The following IPCEF1 variants were observed in gnomAD, a reference collection of about 807,000 sequenced individuals.
IPCEF1 encodes the protein interactor protein for cytohesin exchange factors 1.
IPCEF1 carries 31 observed loss-of-function variants against 50.9 expected under a neutral mutation model. The ratio of observed to expected loss-of-function variants is 0.61; its 90% CI spans 0.46 to 0.82. The LOEUF (loss-of-function observed/expected upper bound fraction) is 0.82, where lower values mean the gene tolerates loss of function less well. Among genes scored for constraint, IPCEF1 ranks in the 40% least tolerant of loss-of-function variants. IPCEF1 has a pLI of 0.00. For synonymous variants in IPCEF1, 181 were observed against 192.0 expected (o/e 0.94, Z 0.47); for missense variants, 458 against 514.0 (o/e 0.89, Z 1.05).
chr6:154,224,459 G>A (rs888364017), intron 5 of IPCEF1, among the ~76,000 whole-genome samples: 3 of 152,132 alleles, frequency 2.0e-5, no homozygotes, highest in Non-Finnish European at 4.4e-5. Context: ...TGTAATCCCA[G>A]CACTTTGGGA....
At chr6:154,230,452 T>C (rs1273695815) in intron 5 of IPCEF1, among the ~76,000 whole-genome samples, 1 of 152,210 alleles carries the variant, frequency 6.6e-6, no homozygotes, top group African/African-American at 2.4e-5. Flanking sequence ...AATGCAAAAA[T>C]AAGTGTTCAT....
At chr6:154,274,481 C>T (rs895585864) in intron 2 of IPCEF1, among the ~76,000 whole-genome samples, 1 of 152,186 alleles carries the variant, frequency 6.6e-6, no homozygotes, top group Admixed American at 6.5e-5. Context: ...TCTTTCCTCC[C>T]AGTGGACCAT....
intron 9 of IPCEF1, among the ~76,000 whole-genome samples, chr6:154,208,479 C>T (rs1777689377): frequency 6.6e-6 from 1 of 152,210 alleles, no homozygotes; most frequent in Non-Finnish European, 1.5e-5. Flanking sequence ...TCTGATGTAG[C>T]ATATATTTTC....
At chr6:154,297,930 A>G (rs765923557) in intron 1 of IPCEF1, among the ~76,000 whole-genome samples, 3 of 152,236 alleles carry the variant, frequency 2.0e-5, no homozygotes, top group Non-Finnish European at 4.4e-5. Context: ...AATGAGCCGC[A>G]GTGCTCTGAA....
At chr6:154,343,337 G>A (rs192696314) in intron 1 of IPCEF1, among the ~76,000 whole-genome samples, 4 of 150,298 alleles carry the variant, frequency 2.7e-5, no homozygotes, top group African/African-American at 4.9e-5. Flanking sequence ...GAAATAAGAA[G>A]AAAAAGAAGA....
chr6:154,305,028 C>T (rs1379892882), intron 1 of IPCEF1, among the ~76,000 whole-genome samples: 1 of 151,756 alleles, frequency 6.6e-6, no homozygotes, highest in Non-Finnish European at 1.5e-5. Context: ...GCAGGAGAAT[C>T]GCTTGAGCCC....
At chr6:154,251,904 G>A (rs1781346054) in intron 3 of IPCEF1, among the ~76,000 whole-genome samples, 1 of 152,020 alleles carries the variant, frequency 6.6e-6, no homozygotes, top group Non-Finnish European at 1.5e-5. Context: ...CAAAGTTCCA[G>A]GGAAAATCGT....
chr6:154,205,608 TAC>T (rs909867993), intron 9 of IPCEF1, among the ~76,000 whole-genome samples: 16 of 152,112 alleles, frequency 1.1e-4, no homozygotes, highest in Non-Finnish European at 1.5e-4. Context: ...AATAAAAACA[TAC>T]ACACACAAAG....
At chr6:154,179,940 C>T (rs1275851433) in intron 10 of IPCEF1, among the ~76,000 whole-genome samples, 2 of 152,034 alleles carry the variant, frequency 1.3e-5, no homozygotes, top group African/African-American at 4.8e-5. Flanking sequence ...TAACAAGCTC[C>T]TAAGTGATGC....
rs1333117361 is a variant in IPCEF1, at chr6:154,293,137, T to C, written c.-61-3381A>G. 7.2e-5 allele frequency among the ~76,000 whole-genome samples: 11 copies of C among 152,350 alleles called. 2 individuals are homozygous for C. In the East Asian group the frequency reaches 7.7e-4, roughly 11 times the overall value. ...CAAGAAAAGTTTGGGAATCGGTGTA[T>C]GTAACTTGAGTCACAACTTATAACA... is the stretch of plus-strand genomic sequence containing the variant. On this transcript the variant is annotated intron_variant, in intron 1 of 11. Coordinates refer to ENST00000367220, the MANE Select transcript of IPCEF1 (RefSeq NM_001130700.2).
At chr6:154,229,616 A>C (rs1031716348) in intron 5 of IPCEF1, among the ~76,000 whole-genome samples, 1 of 151,780 alleles carries the variant, frequency 6.6e-6, no homozygotes, top group Non-Finnish European at 1.5e-5. Context: ...TTGGCCTCCC[A>C]ATGTGCTGGG....
chr6:154,342,134 T>G (rs996422193), intron 1 of IPCEF1, among the ~76,000 whole-genome samples: 1 of 152,140 alleles, frequency 6.6e-6, no homozygotes, highest in Non-Finnish European at 1.5e-5. Flanking sequence ...AATTCTTTGC[T>G]GGCCTCCCAT....
intron 1 of IPCEF1, among the ~76,000 whole-genome samples, chr6:154,310,359 T>C (rs1783049463): frequency 6.6e-6 from 1 of 152,194 alleles, no homozygotes; most frequent in Non-Finnish European, 1.5e-5. Flanking sequence ...TTTTCTTTCT[T>C]TCTATTTTTT....
At position 154,155,935 on chromosome 6, in the gene IPCEF1, C is replaced by CTA. The variant is rs1383846789; in HGVS notation, c.*3891_*3892dup. The stretch of plus-strand genomic sequence containing the variant: ...TGTGACATTGTTTGTGACTGGAGTG[C>CTA]TACCTGAGTAAATTATCATGATTAC... On this transcript the variant is annotated 3_prime_UTR_variant, in exon 12 of 12. Coordinates refer to ENST00000367220, the MANE Select transcript of IPCEF1 (RefSeq NM_001130700.2). The CTA allele has an allele frequency of 6.6e-6, 1 of 152,082 alleles. No individual in the cohort carries two copies. The highest frequency in any genetic ancestry group is 1.5e-5 in the Non-Finnish European group (1 of 68,018). 9.4% of individuals were successfully genotyped at this position (152,082 alleles called of 1,614,324 possible).
intron 1 of IPCEF1, among the ~76,000 whole-genome samples, chr6:154,292,235 G>A (rs1168788116): frequency 6.6e-6 from 1 of 152,092 alleles, no homozygotes; most frequent in Non-Finnish European, 1.5e-5. Flanking sequence ...TCACAACTAA[G>A]TTAAACATTT....
At chr6:154,275,936 T>C (rs942002620) in intron 2 of IPCEF1, among the ~76,000 whole-genome samples, 2 of 152,052 alleles carry the variant, frequency 1.3e-5, no homozygotes, top group African/African-American at 4.8e-5. Flanking sequence ...TCCTAGCACT[T>C]TGGGAGGCCG....
At chr6:154,352,258 A>G (rs1221368375) in intron 1 of IPCEF1, among the ~76,000 whole-genome samples, 3 of 152,244 alleles carry the variant, frequency 2.0e-5, no homozygotes, top group Non-Finnish European at 4.4e-5. Context: ...CAGTAATATC[A>G]TTGGTTTTTT....
chr6:154,303,180 C>A (rs1345504382), intron 1 of IPCEF1, among the ~76,000 whole-genome samples: 1 of 151,282 alleles, frequency 6.6e-6, no homozygotes, highest in African/African-American at 2.4e-5. Context: ...CAACCTCTGC[C>A]TCCCAGATTC....
chr6:154,281,184 C>CAAAAAA (rs35597942), intron 2 of IPCEF1, among the ~76,000 whole-genome samples: 54 of 59,130 alleles, frequency 9.1e-4, no homozygotes, highest in African/African-American at 1.9e-3. Flanking sequence ...TACTAAAATA[C>CAAAAAA]AAAAAAAAAA....
Sources: gnomAD v4.1 joint callset for allele counts (sites outside exome capture counted in the v4.1 genomes callset) on GRCh38, gnomAD v4.1.1 for gene constraint, MANE v1.5 for transcripts, NCBI Gene and HGNC (gene_info 2026-07-23, HGNC 2026-07-21) for gene names.